ZDHHC20: variants seen among roughly 807,000 people sequenced by gnomAD.
The protein encoded by ZDHHC20 is palmitoyltransferase ZDHHC20.
In ZDHHC20, 43 loss-of-function variants were observed where a neutral mutation model predicts 57.8. That is an observed-to-expected ratio of 0.74 (90% confidence interval 0.58 to 0.96). The LOEUF is 0.96. Among genes scored for constraint, ZDHHC20 ranks in the 40% least tolerant of loss-of-function variants. The pLI, the probability that ZDHHC20 is intolerant of heterozygous loss-of-function variation, is 0.00. For missense variants in ZDHHC20, 391 were observed against 441.1 expected (o/e 0.89, Z 1.02); for synonymous variants, 157 against 153.0 (o/e 1.03, Z -0.19).
At position 21,382,832 on chromosome 13, in the gene ZDHHC20, C is replaced by T. The variant is rs568259193; in HGVS notation, c.944+88G>A. On this transcript the variant is annotated intron_variant, in intron 10 of 12. Coordinates refer to ENST00000400590, the MANE Select transcript of ZDHHC20 (RefSeq NM_001330059.2). ...ACTATGCTGGCTTACTAAATCACTA[C>T]TGTATTTACTCATAAGATGTACACA... The T allele has an allele frequency of 5.0e-5, 54 of 1,077,524 alleles. No homozygotes were observed. In the East Asian group the frequency reaches 1.4e-3, roughly 29 times the overall value. The allele number at this position is 1,077,524 out of a possible 1,614,324, so 66.7% of individuals were successfully genotyped here. A position where few individuals can be genotyped will look rare whatever the true frequency, so the allele number is the denominator to read the frequency against.
At chr13:21,406,588 T>C (rs575250951) in intron 4 of ZDHHC20, among the ~76,000 whole-genome samples, 13 of 147,074 alleles carry the variant, frequency 8.8e-5, no homozygotes, top group African/African-American at 3.2e-4. Context: ...CCTGTGTCCA[T>C]ATGATCTCAT....
At chr13:21,453,371 T>C (rs1011557615) in intron 1 of ZDHHC20, among the ~76,000 whole-genome samples, 1 of 152,210 alleles carries the variant, frequency 6.6e-6, no homozygotes, top group African/African-American at 2.4e-5. Context: ...GTTATACCTC[T>C]CTTAATAACT....
chr13:21,419,044 C>A (rs1193520758), intron 3 of ZDHHC20, among the ~76,000 whole-genome samples: 1 of 152,112 alleles, frequency 6.6e-6, no homozygotes, highest in African/African-American at 2.4e-5. Flanking sequence ...TATTCTATTT[C>A]TTATTTCCTG....
chr13:21,408,516 C>G (rs1354567655), intron 4 of ZDHHC20, among the ~76,000 whole-genome samples: 3 of 152,170 alleles, frequency 2.0e-5, no homozygotes, highest in Non-Finnish European at 2.9e-5. Context: ...AGTTTTGGGG[C>G]TGGGACGATG....
intron 2 of ZDHHC20, among the ~76,000 whole-genome samples, chr13:21,423,599 G>C (rs1880898394): frequency 6.6e-6 from 1 of 151,836 alleles, no homozygotes; most frequent in Non-Finnish European, 1.5e-5. Context: ...GCCTAAACCT[G>C]GGAGGCAAAT....
chr13:21,407,807 G>GA (rs1242468920), intron 4 of ZDHHC20, among the ~76,000 whole-genome samples: 1 of 152,162 alleles, frequency 6.6e-6, no homozygotes, highest in African/African-American at 2.4e-5. Flanking sequence ...AAGGTGTAAG[G>GA]AAGAGATCCA....
At chr13:21,428,820 G>A (rs1468819013) in intron 1 of ZDHHC20, among the ~76,000 whole-genome samples, 2 of 151,972 alleles carry the variant, frequency 1.3e-5, no homozygotes, top group Admixed American at 1.3e-4. Flanking sequence ...TCACACCACT[G>A]CACTCCAGCC....
chr13:21,451,323 G>C (rs1283558383), intron 1 of ZDHHC20, among the ~76,000 whole-genome samples: 1 of 152,012 alleles, frequency 6.6e-6, no homozygotes, highest in Non-Finnish European at 1.5e-5. Context: ...ATTCAAACAC[G>C]ATTCAAGTGA....
intron 1 of ZDHHC20, among the ~76,000 whole-genome samples, chr13:21,426,144 T>G (rs2137929095): frequency 6.6e-6 from 1 of 152,334 alleles, no homozygotes; most frequent in South Asian, 2.1e-4. Flanking sequence ...GTTTTTTTCC[T>G]CTGAATAATC....
chr13:21,450,061 C>G (rs2138056165), intron 1 of ZDHHC20, among the ~76,000 whole-genome samples: 1 of 152,022 alleles, frequency 6.6e-6, no homozygotes, highest in East Asian at 1.9e-4. Flanking sequence ...AATGACAGAA[C>G]AAGCTGATTA....
intron 1 of ZDHHC20, among the ~76,000 whole-genome samples, chr13:21,453,074 G>A (rs534689593): frequency 1.2e-4 from 18 of 152,228 alleles, no homozygotes; most frequent in Admixed American, 5.2e-4. Flanking sequence ...TGCTCTTTAC[G>A]AGAATTACAA....
In ZDHHC20 at chr13:21,381,569, A is replaced by G. The variant is rs1483514806; in HGVS notation, c.945-20T>C. The stretch of plus-strand genomic sequence containing the variant: ...CCACTACTGAAAAGAAGAGCAAACA[A>G]CTTAGTAAACAGCTTAATGCTCAAC... On this transcript the variant is annotated intron_variant, in intron 10 of 12. Coordinates refer to ENST00000400590, the MANE Select transcript of ZDHHC20 (RefSeq NM_001330059.2). 2.6e-6 allele frequency: 4 copies of G among 1,520,516 alleles called. No homozygotes were observed. In the Admixed American group the frequency reaches 6.8e-5, roughly 26 times the overall value. The allele number at this position is 1,520,516 out of a possible 1,614,324, so 94.2% of individuals were successfully genotyped here. A position where few individuals can be genotyped will look rare whatever the true frequency, so the allele number is the denominator to read the frequency against.
intron 1 of ZDHHC20, among the ~76,000 whole-genome samples, chr13:21,455,730 A>G (rs1227556890): frequency 6.6e-6 from 1 of 151,938 alleles, no homozygotes; most frequent in African/African-American, 2.4e-5. Flanking sequence ...CCTCTTGGTA[A>G]TCAACAATTT....
At chr13:21,458,900 G>C (rs1224245695) in intron 1 of ZDHHC20, among the ~76,000 whole-genome samples, 154 bp downstream of exon 1, 1 of 152,132 alleles carries the variant, frequency 6.6e-6, no homozygotes. Flanking sequence ...AAAGCGGCGG[G>C]TGCAGCAACC....
At chr13:21,447,707 G>A (rs1401213202) in intron 1 of ZDHHC20, among the ~76,000 whole-genome samples, 2 of 111,160 alleles carry the variant, frequency 1.8e-5, no homozygotes, top group South Asian at 2.8e-4. Context: ...CCGCCACCCC[G>A]TCTGGGAAGT....
intron 1 of ZDHHC20, among the ~76,000 whole-genome samples, chr13:21,437,280 T>C (rs984333197): frequency 1.3e-5 from 2 of 152,210 alleles, no homozygotes; most frequent in East Asian, 1.9e-4. Context: ...CAAGTTTTTA[T>C]GTAAAAGCTG....
intron 8 of ZDHHC20, among the ~76,000 whole-genome samples, chr13:21,391,182 G>C (rs1384104326): frequency 6.6e-6 from 1 of 152,036 alleles, no homozygotes; most frequent in Non-Finnish European, 1.5e-5. Flanking sequence ...GCCCAGGCTG[G>C]TCTCGAACTC....
chr13:21,422,899 T>C (rs960759362), intron 2 of ZDHHC20, among the ~76,000 whole-genome samples: 2 of 152,158 alleles, frequency 1.3e-5, no homozygotes, highest in Admixed American at 6.5e-5. Context: ...TATTTGACTA[T>C]AGGTACTCAA....
At chr13:21,434,965 G>C (rs999953626) in intron 1 of ZDHHC20, among the ~76,000 whole-genome samples, 1 of 151,698 alleles carries the variant, frequency 6.6e-6, no homozygotes, top group African/African-American at 2.4e-5. Context: ...CTAACAGTGG[G>C]ATTACTGAAC....
Sources: gnomAD v4.1 joint callset for allele counts (sites outside exome capture counted in the v4.1 genomes callset) on GRCh38, gnomAD v4.1.1 for gene constraint, MANE v1.5 for transcripts, NCBI Gene and HGNC (gene_info 2026-07-23, HGNC 2026-07-21) for gene names.